The following NEDD4L variants were observed in gnomAD, a reference collection of about 807,000 sequenced individuals.
The protein encoded by NEDD4L is NEDD4 like E3 ubiquitin protein ligase, also known as E3 ubiquitin-protein ligase NEDD4-like.
A neutral mutation model predicts 148.9 loss-of-function variants in NEDD4L; 54 were observed. That is an observed-to-expected ratio of 0.36 (90% confidence interval 0.29 to 0.45). The LOEUF is 0.45. Ranked by LOEUF, NEDD4L falls within the 20% of genes least tolerant of loss-of-function variation. The probability of loss-of-function intolerance (pLI) is 1.00; values close to 1 mark genes in which losing one functional copy is unlikely to be tolerated. For synonymous variants in NEDD4L, 433 were observed against 440.7 expected, an observed-to-expected ratio of 0.98 and a Z score of 0.22; for missense variants, 856 against 1,233.8, an observed-to-expected ratio of 0.69 and a Z score of 4.59.
At chr18:58,089,155 A>G (rs928747658) in intron 1 of NEDD4L, among the ~76,000 whole-genome samples, 24 of 98,234 alleles carry the variant, frequency 2.4e-4, no homozygotes, top group African/African-American at 1.0e-3. Flanking sequence ...TTTTTTTGAG[A>G]TGGAGTCTTG....
intron 2 of NEDD4L, among the ~76,000 whole-genome samples, chr18:58,220,532 G>A (rs913854000): frequency 5.3e-5 from 8 of 152,170 alleles, no homozygotes; most frequent in African/African-American, 1.7e-4. Context: ...GGGGTGATCC[G>A]TTCATCTTCC....
chr18:58,308,964 C>T (rs1193454599), intron 5 of NEDD4L, among the ~76,000 whole-genome samples: 1 of 152,246 alleles, frequency 6.6e-6, no homozygotes. Flanking sequence ...GTGGGCTGCA[C>T]CCTCGTGGTG....
intron 1 of NEDD4L, among the ~76,000 whole-genome samples, chr18:58,058,960 T>G (rs1046923061): frequency 2.6e-5 from 4 of 152,200 alleles, no homozygotes; most frequent in Non-Finnish European, 5.9e-5. Context: ...CCTTGACCGT[T>G]TACTCCATTC....
chr18:58,068,221 A>T, intron 1 of NEDD4L, among the ~76,000 whole-genome samples: 3 of 127,948 alleles, frequency 2.3e-5, no homozygotes, highest in African/African-American at 6.4e-5. Flanking sequence ...TTGTTTTGAG[A>T]CGGAGTCTCG....
rs542468628 is a variant in NEDD4L, at chr18:58,195,895, A to AT, written c.122+30040dup. On this transcript the variant is annotated intron_variant, in intron 2 of 30. Coordinates refer to ENST00000400345, the MANE Select transcript of NEDD4L (RefSeq NM_001144967.3). ...TTTCTTTTTAAAATGTCCATTAGAC[A>AT]TTTTTTGCATGCTTCAAAATCAAAA... is the stretch of plus-strand genomic sequence containing the variant. 3.9e-3 allele frequency among the ~76,000 whole-genome samples: 587 copies of AT among 152,330 alleles called. 3 individuals carry two copies. Among genetic ancestry groups the AT allele is most frequent in the African/African-American group, 0.014 (569 of 41,572 alleles).
chr18:58,239,513 C>T (rs375385211), intron 2 of NEDD4L, among the ~76,000 whole-genome samples: 4 of 152,166 alleles, frequency 2.6e-5, no homozygotes, highest in South Asian at 2.1e-4. Flanking sequence ...CCCCTTACGA[C>T]CCTGCCCCCT....
chr18:58,150,122 A>G (rs906668454), intron 1 of NEDD4L, among the ~76,000 whole-genome samples: 3 of 152,262 alleles, frequency 2.0e-5, no homozygotes, highest in African/African-American at 7.2e-5. Context: ...TTAACCAAAT[A>G]AAATGGCATT....
In NEDD4L at chr18:58,353,700, G is replaced by A. The variant is rs192280030; in HGVS notation, c.1708+2655G>A. Among the ~76,000 whole-genome samples the A allele has an allele frequency of 3.9e-5, 6 of 152,290 alleles. No individual in the cohort carries two copies. In the East Asian group the frequency reaches 9.6e-4, roughly 24 times the overall value. ...ACATTCCAAATGGGTTGAATTACCT[G>A]GAAGATAACATTTAGGAATGTCCTT... On this transcript the variant is annotated intron_variant, in intron 18 of 30. Transcript: ENST00000400345.
chr18:58,316,870 C>T (rs996733707), intron 6 of NEDD4L, among the ~76,000 whole-genome samples: 1 of 152,248 alleles, frequency 6.6e-6, no homozygotes, highest in Non-Finnish European at 1.5e-5. Context: ...AATGTTTCTG[C>T]CTTACAAGGG....
Position 58,079,511 on chromosome 18 carries a change from T to A in NEDD4L, c.48+34803T>A, listed in dbSNP as rs942614598. On this transcript the variant is annotated intron_variant, in intron 1 of 30. Transcript: ENST00000400345. ...ACTGCTATTATCCCTGGTATACAGATGGGGAAACTGAGCCTCAGAGAGGTT... is the reference window on the plus strand; with the variant it reads ...ACTGCTATTATCCCTGGTATACAGAAGGGGAAACTGAGCCTCAGAGAGGTT... 2.0e-5 allele frequency among the ~76,000 whole-genome samples: 3 copies of A among 152,374 alleles called. No homozygotes were observed. The East Asian group carries it at 5.8e-4, about 29-fold the overall frequency.
intron 1 of NEDD4L, among the ~76,000 whole-genome samples, chr18:58,061,914 C>G (rs1487304320): frequency 1.5e-5 from 2 of 133,630 alleles, no homozygotes; most frequent in Non-Finnish European, 3.2e-5. Flanking sequence ...GTTTCTGATT[C>G]TTTTGGCTAC....
intron 1 of NEDD4L, among the ~76,000 whole-genome samples, chr18:58,159,720 G>T (rs573880): frequency 0.029 from 4,470 of 152,260 alleles, 227 homozygotes; most frequent in African/African-American, 0.1. Flanking sequence ...TAATGTATAC[G>T]TAACTTACAT....
In NEDD4L at chr18:58,093,143, C is replaced by T. The variant is rs145681260; in HGVS notation, c.48+48435C>T. ...GACCAGGGGCTTGTAATATGAGTGT[C>T]ACTTAGGCAACAGGACATTTCAATG... On this transcript the variant is annotated intron_variant, in intron 1 of 30. Coordinates refer to ENST00000400345, the MANE Select transcript of NEDD4L (RefSeq NM_001144967.3). 1.2e-3 allele frequency among the ~76,000 whole-genome samples: 180 copies of T among 152,198 alleles called. 1 individual carries two copies. The highest frequency in any genetic ancestry group is 1.6e-3 in the Non-Finnish European group (112 of 68,014).
Position 58,349,560 on chromosome 18 carries a change from A to G in NEDD4L, c.1599A>G (p.Pro533=), listed in dbSNP as rs746429619. The G allele has an allele frequency of 8.1e-5, 130 of 1,613,904 alleles. No homozygotes were observed. The highest frequency in any genetic ancestry group is 1.1e-4 in the Non-Finnish European group (127 of 1,179,864). ...AGGAAGATCCACGTTTGAAATTTCCAGTACATATGCGGTCAAAGACATCTT... is the reference window on the plus strand; with the variant it reads ...AGGAAGATCCACGTTTGAAATTTCCGGTACATATGCGGTCAAAGACATCTT... ...TTWEDPRLKF[P]VHMRSKTSLN... Residue 533 remains proline, a synonymous_variant, in exon 17 of 31, where the codon CCA becomes CCG. Coordinates refer to ENST00000400345, the MANE Select transcript of NEDD4L (RefSeq NM_001144967.3).
At chr18:58,108,916 C>G (rs1440096693) in intron 1 of NEDD4L, among the ~76,000 whole-genome samples, 1 of 152,182 alleles carries the variant, frequency 6.6e-6, no homozygotes, top group Non-Finnish European at 1.5e-5. Context: ...TTGCCACATG[C>G]AGTAATGGAT....
At chr18:58,367,202 T>C (rs2046223586) in intron 21 of NEDD4L, 1 of 152,532 alleles carries the variant, frequency 6.6e-6, no homozygotes, top group Non-Finnish European at 1.5e-5. Flanking sequence ...AGCAAGATCA[T>C]TTGGACAAAT....
Position 58,236,915 on chromosome 18 carries a change from C to T in NEDD4L, c.123-8512C>T, listed in dbSNP as rs554110016. On this transcript the variant is annotated intron_variant, in intron 2 of 30. Transcript: ENST00000400345. ...GCGCATGACTGTAATCCCAGCTACT[C>T]GGGAGGCTGAGGCAGGAGAATAGCT... Among the ~76,000 whole-genome samples, 19 of 151,908 alleles carry T rather than the reference C, an allele frequency of 1.3e-4. No homozygotes were observed. In the South Asian group the frequency reaches 3.1e-3, roughly 25 times the overall value.
chr18:58,066,694 C>T (rs572339408), intron 1 of NEDD4L, among the ~76,000 whole-genome samples: 27 of 152,174 alleles, frequency 1.8e-4, no homozygotes, highest in Admixed American at 7.9e-4. Flanking sequence ...AATTGGCTCA[C>T]GATTCTGCAG....
At chr18:58,091,743 G>T (rs1568203497) in intron 1 of NEDD4L, 1 of 152,222 alleles carries the variant, frequency 6.6e-6, no homozygotes, top group Admixed American at 6.5e-5. Context: ...TTTCATTTAG[G>T]TGGGAGTCCT....
Sources: allele counts gnomAD v4.1 joint callset (sites outside exome capture counted in the v4.1 genomes callset), GRCh38; gene constraint gnomAD v4.1.1; transcripts MANE v1.5; gene names NCBI Gene and HGNC (gene_info 2026-07-23, HGNC 2026-07-21).